Variants in BCOR observed in about 807,000 individuals in gnomAD.
BCOR encodes BCL6 corepressor.
Under a neutral mutation model 86.7 loss-of-function variants are expected in BCOR, and 10 were observed. That is an observed-to-expected ratio of 0.12 (90% confidence interval 0.07 to 0.20). BCOR has a LOEUF of 0.20. BCOR is among the 10% of genes least tolerant of loss of function. BCOR has a pLI of 1.00. For missense variants in BCOR, 1,259 were observed against 1,452.1 expected, an observed-to-expected ratio of 0.87 and a Z score of 2.16; for synonymous variants, 611 against 609.0, an observed-to-expected ratio of 1.00 and a Z score of -0.05.
At chrX:40,095,230 G>A in intron 1 of BCOR, among the ~76,000 whole-genome samples, 1 of 112,171 alleles carries the variant, frequency 8.9e-6, no homozygotes, top group East Asian at 2.8e-4. Context: ...CCAGATAACA[G>A]GTCGAGAGAG....
intron 1 of BCOR, among the ~76,000 whole-genome samples, chrX:40,154,385 TCGCTCGCTCTCGCCCAGGCTC>T (rs1367001199): frequency 9.8e-5 from 11 of 112,074 alleles, no homozygotes; most frequent in Non-Finnish European, 2.1e-4. Flanking sequence ...TCCTCCCTGC[TCGCTCGCTCTCGCCCAGGCTC>T]CGCTCGCCGT....
At chrX:40,150,924 C>G (rs776825395) in intron 1 of BCOR, among the ~76,000 whole-genome samples, 1 of 112,416 alleles carries the variant, frequency 8.9e-6, no homozygotes, top group Non-Finnish European at 1.9e-5. Context: ...ACCATGGGGC[C>G]GAGCTCTGGG....
chrX:40,092,261 C>T (rs1014445515), intron 1 of BCOR, among the ~76,000 whole-genome samples: 2 of 112,170 alleles, frequency 1.8e-5, no homozygotes, highest in Admixed American at 1.9e-4. Context: ...TGCCCCACTC[C>T]GCCCGGCGCG....
chrX:40,134,394 C>T (rs774450352), intron 1 of BCOR, among the ~76,000 whole-genome samples: 1 of 111,526 alleles, frequency 9.0e-6, no homozygotes, highest in Non-Finnish European at 1.9e-5. Flanking sequence ...GAGGCTGAGG[C>T]GGGAGGATGG....
Position 40,062,163 on chromosome X carries a change from C to T in BCOR, c.4404G>A (p.Gln1468=), listed in dbSNP as rs2146999377. 8.3e-7 allele frequency: 1 copy of T among 1,204,286 alleles called. No individual in the cohort carries two copies. Among genetic ancestry groups the T allele is most frequent in the Non-Finnish European group, 1.1e-6 (1 of 891,884 alleles). The part of the protein sequence containing the change: ...VNKNAGETLL[Q]RAARLGYEEV... ...CCTCATAGCCAAGCCTGGCTGCCCGCTGCAGAAGGGTCTCGCCAGCGTTCT... is the reference window on the plus strand; with the variant it reads ...CCTCATAGCCAAGCCTGGCTGCCCGTTGCAGAAGGGTCTCGCCAGCGTTCT... The change falls in exon 10 of 15, where the codon CAG becomes CAA. Residue 1468 remains glutamine (Q), a synonymous_variant. Coordinates refer to ENST00000378444, the MANE Select transcript of BCOR (RefSeq NM_001123385.2).
At chrX:40,106,805 G>C (rs1937196282) in intron 1 of BCOR, among the ~76,000 whole-genome samples, 1 of 111,537 alleles carries the variant, frequency 9.0e-6, no homozygotes, top group Non-Finnish European at 1.9e-5. Flanking sequence ...GATTTTGGCA[G>C]TAGCCGGCCA....
chrX:40,083,396 G>T (rs1261872191), intron 1 of BCOR, among the ~76,000 whole-genome samples: 1 of 111,804 alleles, frequency 8.9e-6, no homozygotes, highest in Non-Finnish European at 1.9e-5. Flanking sequence ...AGCCTTAGCC[G>T]TAGCCAGCAC....
At position 40,083,468 on chromosome X, in the gene BCOR, C is replaced by T. The variant is rs1428331711; in HGVS notation, c.-40-5499G>A. On this transcript the variant is annotated intron_variant, in intron 1 of 14. Coordinates refer to ENST00000378444, the MANE Select transcript of BCOR (RefSeq NM_001123385.2). Reference sequence around the variant, plus strand: ...TAAGGGGGAGGGGGAAGGGGAAACTCGCCGGCCCAGACCATTCCAGCACCC... The same window carrying T: ...TAAGGGGGAGGGGGAAGGGGAAACTTGCCGGCCCAGACCATTCCAGCACCC... Among the ~76,000 whole-genome samples the T allele has an allele frequency of 5.3e-5, 6 of 112,423 alleles. No homozygotes were observed. In the Admixed American group the frequency reaches 5.5e-4, roughly 10 times the overall value.
intron 1 of BCOR, among the ~76,000 whole-genome samples, chrX:40,166,935 T>C (rs1938517837): frequency 9.0e-6 from 1 of 111,494 alleles, no homozygotes; most frequent in African/African-American, 3.3e-5. Context: ...CCTCTGACTT[T>C]GTCAGGCTGG....
intron 10 of BCOR, among the ~76,000 whole-genome samples, chrX:40,061,099 C>T (rs895270041): frequency 1.5e-4 from 17 of 112,566 alleles, no homozygotes; most frequent in African/African-American, 5.5e-4. Context: ...TCCTGTCGCC[C>T]GGGTGCTTCT....
intron 1 of BCOR, among the ~76,000 whole-genome samples, chrX:40,139,481 ATATATATATATATATAT>A (rs1311682855): frequency 7.4e-5 from 1 of 13,588 alleles, no homozygotes; most frequent in African/African-American, 5.9e-4. Context: ...ATATATATAT[ATATATATATATATATAT>A]TTTTTTTTTT....
chrX:40,155,916 T>TGGAG (rs1938282795), intron 1 of BCOR, among the ~76,000 whole-genome samples: 1 of 112,649 alleles, frequency 8.9e-6, no homozygotes, highest in Admixed American at 9.2e-5. Flanking sequence ...CGCACCTCGC[T>TGGAG]GCCCCTCCTG....
At chrX:40,076,262 C>T (rs996891642) in intron 3 of BCOR, among the ~76,000 whole-genome samples, 192 bp downstream of exon 3, 2 of 111,628 alleles carry the variant, frequency 1.8e-5, no homozygotes, top group African/African-American at 6.5e-5. Context: ...ACATGTGTGG[C>T]GAGGCAGGAA....
chrX:40,112,966 C>T (rs1276654829), intron 1 of BCOR, among the ~76,000 whole-genome samples: 3 of 106,157 alleles, frequency 2.8e-5, no homozygotes, highest in South Asian at 4.2e-4. Context: ...TCATCTCCCC[C>T]TCACCTTCCT....
intron 1 of BCOR, among the ~76,000 whole-genome samples, chrX:40,116,312 AC>A (rs1212848219): frequency 9.0e-6 from 1 of 110,675 alleles, no homozygotes; most frequent in Non-Finnish European, 1.9e-5. Flanking sequence ...CCTGGCTAAC[AC>A]CGTGAAACCC....
At chrX:40,116,226 G>A (rs992507248) in intron 1 of BCOR, among the ~76,000 whole-genome samples, 16 of 112,016 alleles carry the variant, frequency 1.4e-4, no homozygotes, top group Admixed American at 9.5e-5. Flanking sequence ...GGCTGGGCGC[G>A]GTGGCTCACG....
intron 1 of BCOR, among the ~76,000 whole-genome samples, chrX:40,140,622 G>A (rs1937902302): frequency 8.9e-6 from 1 of 112,683 alleles, no homozygotes; most frequent in Admixed American, 9.4e-5. Flanking sequence ...CTCTAAGGAG[G>A]GGCCTGGGTC....
rs1937810342 is a variant in BCOR, at chrX:40,139,441, T to TA, written c.-41+37565dup. Among the ~76,000 whole-genome samples, 5 of 16,564 alleles carry TA rather than the reference T, an allele frequency of 3.0e-4. 2 individuals carry two copies. The highest frequency in any genetic ancestry group is 6.2e-3 in the South Asian group (2 of 324). 14.4% of individuals were successfully genotyped at this position (16,564 alleles called of 115,157 possible). Reference sequence around the variant, plus strand: ...ATATATATACATATATATATATATATATATAATATATATACATATATATAT... The same window carrying TA: ...ATATATATACATATATATATATATATAATATAATATATATACATATATATAT... On this transcript the variant is annotated intron_variant, in intron 1 of 14. Coordinates refer to the BCOR transcript ENST00000342274.
upstream of BCOR, among the ~76,000 whole-genome samples, chrX:40,099,145 CGCA>C (rs1183872735): frequency 8.9e-6 from 1 of 112,706 alleles, no homozygotes; most frequent in Non-Finnish European, 1.9e-5. Context: ...AGCCTGCGCC[CGCA>C]GCAGTTCAAT....
Sources: gnomAD v4.1 joint callset for allele counts (sites outside exome capture counted in the v4.1 genomes callset) on GRCh38, gnomAD v4.1.1 for gene constraint, MANE v1.5 for transcripts, NCBI Gene and HGNC (gene_info 2026-07-23, HGNC 2026-07-21) for gene names.